The following SORCS2 variants were observed in gnomAD, a reference collection of about 807,000 sequenced individuals.
The protein encoded by SORCS2 is sortilin related VPS10 domain containing receptor 2.
Under a neutral mutation model 141.6 loss-of-function variants are expected in SORCS2, and 100 were observed. The observed-to-expected ratio is 0.71, with a 90% CI of 0.60 to 0.83. SORCS2 has a LOEUF of 0.83. Among genes scored for constraint, SORCS2 ranks in the 40% least tolerant of loss-of-function variants. SORCS2 has a pLI of 0.00. For synonymous variants in SORCS2, 789 were observed against 676.9 expected (o/e 1.17, Z -2.57); for missense variants, 1,646 against 1,560.2 (o/e 1.05, Z -0.93).
At chr4:7,472,561 C>T (rs1175284795) in intron 2 of SORCS2, among the ~76,000 whole-genome samples, 1 of 152,098 alleles carries the variant, frequency 6.6e-6, no homozygotes, top group Non-Finnish European at 1.5e-5. Context: ...CCGGGAGGGC[C>T]CTGGGCAGGA....
At chr4:7,658,424 G>A (rs1203844189) in intron 5 of SORCS2, among the ~76,000 whole-genome samples, 1 of 152,174 alleles carries the variant, frequency 6.6e-6, no homozygotes, top group Admixed American at 6.5e-5. Flanking sequence ...ATTCTGTATT[G>A]CTGGTGGAGG....
chr4:7,574,987 C>T (rs1353640004), intron 3 of SORCS2, among the ~76,000 whole-genome samples: 1 of 152,236 alleles, frequency 6.6e-6, no homozygotes, highest in Non-Finnish European at 1.5e-5. Flanking sequence ...CATTGTCTCA[C>T]CTCAGTGAAG....
chr4:7,210,576 T>C (rs1292511920), intron 1 of SORCS2, among the ~76,000 whole-genome samples: 3 of 152,180 alleles, frequency 2.0e-5, no homozygotes, highest in African/African-American at 7.2e-5. Context: ...CCGCCATGCC[T>C]GGATCAAACG....
chr4:7,700,700 C>G (rs189290806), intron 12 of SORCS2, among the ~76,000 whole-genome samples: 1 of 152,178 alleles, frequency 6.6e-6, no homozygotes, highest in Non-Finnish European at 1.5e-5. Context: ...CCCCTGCCCC[C>G]GCTCCACCCC....
intron 3 of SORCS2, among the ~76,000 whole-genome samples, chr4:7,636,397 AT>A (rs952991910): frequency 2.0e-5 from 3 of 152,232 alleles, no homozygotes; most frequent in African/African-American, 7.2e-5. Flanking sequence ...GAATGAATGA[AT>A]TAATGAAGGA....
At chr4:7,416,168 G>A (rs933756272) in intron 2 of SORCS2, among the ~76,000 whole-genome samples, 4 of 152,170 alleles carry the variant, frequency 2.6e-5, no homozygotes, top group African/African-American at 9.7e-5. Flanking sequence ...GTAGGTGATG[G>A]GGAGTTAGGC....
At chr4:7,498,741 C>G (rs1405530667) in intron 2 of SORCS2, among the ~76,000 whole-genome samples, 3 of 152,276 alleles carry the variant, frequency 2.0e-5, no homozygotes, top group African/African-American at 7.2e-5. Flanking sequence ...GTCTACACCA[C>G]AGAGTGCCTA....
chr4:7,596,999 G>A lies in SORCS2; in HGVS notation c.649-41329G>A, dbSNP rs113574702. Among the ~76,000 whole-genome samples the A allele has an allele frequency of 8.3e-4, 127 of 152,208 alleles. 1 individual carries two copies. The highest frequency in any genetic ancestry group is 2.8e-3 in the African/African-American group (115 of 41,540). On this transcript the variant is annotated intron_variant, in intron 3 of 26. Transcript: ENST00000507866. ...GAAAACCACCAAGAGCCATGATGCG[G>A]TTGTGCAATCGTGAAAGTGCCACCT...
At chr4:7,601,536 T>C (rs1010331514) in intron 3 of SORCS2, among the ~76,000 whole-genome samples, 1 of 150,082 alleles carries the variant, frequency 6.7e-6, no homozygotes, top group African/African-American at 2.5e-5. Flanking sequence ...GGAGGATTGC[T>C]TTAGCTAAGG....
chr4:7,579,999 T>C (rs1240457715), intron 3 of SORCS2, among the ~76,000 whole-genome samples: 3 of 152,128 alleles, frequency 2.0e-5, no homozygotes, highest in Admixed American at 1.3e-4. Flanking sequence ...GGGGACATGC[T>C]TGGAGTCTGC....
intron 3 of SORCS2, among the ~76,000 whole-genome samples, chr4:7,546,345 G>C (rs1713260904): frequency 1.3e-5 from 2 of 152,140 alleles, no homozygotes; most frequent in Middle Eastern, 3.2e-3. Context: ...GGCGGGGCTT[G>C]CTAGTGGCAA....
chr4:7,351,354 C>T (rs908215402), intron 1 of SORCS2, among the ~76,000 whole-genome samples: 1 of 152,234 alleles, frequency 6.6e-6, no homozygotes, highest in Admixed American at 6.5e-5. Flanking sequence ...TCTCCCTCCT[C>T]TCCCCATCCC....
intron 19 of SORCS2, among the ~76,000 whole-genome samples, chr4:7,724,564 G>GTGGTGGTGATGGTGA (rs1307186351): frequency 1.4e-3 from 125 of 87,164 alleles, no homozygotes; most frequent in Non-Finnish European, 2.7e-3. Flanking sequence ...GGAATGGATG[G>GTGGTGGTGATGGTGA]TGGTGGTGAT....
intron 3 of SORCS2, among the ~76,000 whole-genome samples, chr4:7,624,855 C>A (rs184632177): frequency 2.0e-5 from 3 of 152,380 alleles, no homozygotes; most frequent in Non-Finnish European, 4.4e-5. Context: ...CGTATTCACT[C>A]TAGAGCCTCA....
chr4:7,239,696 T>A (rs1335698088), intron 1 of SORCS2, among the ~76,000 whole-genome samples: 2 of 152,250 alleles, frequency 1.3e-5, no homozygotes, highest in Non-Finnish European at 2.9e-5. Context: ...ATGGGTCATT[T>A]CCTTCTTGTA....
rs115292278 is a variant in SORCS2 at position 7,579,718 on chromosome 4, T to C, written c.648+48089T>C. ...TCTGGGCCTTGTGTGAAGCATTCAG[T>C]GTGCAGAGGTGGATGAGATGTGTCC... On this transcript the variant is annotated intron_variant, in intron 3 of 26. Coordinates refer to ENST00000507866, the MANE Select transcript of SORCS2 (RefSeq NM_020777.3). Among the ~76,000 whole-genome samples the C allele has an allele frequency of 7.9e-3, 1,205 of 152,316 alleles. 17 individuals are homozygous for C. The highest frequency in any genetic ancestry group is 0.028 in the African/African-American group (1,153 of 41,578).
intron 2 of SORCS2, among the ~76,000 whole-genome samples, chr4:7,443,743 C>T (rs1198750361): frequency 6.6e-6 from 1 of 152,224 alleles, no homozygotes; most frequent in Non-Finnish European, 1.5e-5. Context: ...AGCACCTTGG[C>T]GTTAGAGGGA....
At chr4:7,571,008 C>A (rs983678762) in intron 3 of SORCS2, among the ~76,000 whole-genome samples, 1 of 152,178 alleles carries the variant, frequency 6.6e-6, no homozygotes, top group African/African-American at 2.4e-5. Context: ...CCAAGGAAAT[C>A]CCTGCCTGTG....
chr4:7,484,815 C>G (rs570466749), intron 2 of SORCS2, among the ~76,000 whole-genome samples: 1 of 151,936 alleles, frequency 6.6e-6, no homozygotes, highest in African/African-American at 2.4e-5. Context: ...CACCCAGCCC[C>G]GCTCCTGTAC....
Sources: gnomAD v4.1 joint callset for allele counts (sites outside exome capture counted in the v4.1 genomes callset) on GRCh38, gnomAD v4.1.1 for gene constraint, MANE v1.5 for transcripts, NCBI Gene and HGNC (gene_info 2026-07-23, HGNC 2026-07-21) for gene names.